Variants in PACS1 observed in about 807,000 individuals in gnomAD.
The protein encoded by PACS1 is PACS-1.
In PACS1, 24 loss-of-function variants were observed where a neutral mutation model predicts 115.0. That is an observed-to-expected ratio of 0.21 (90% CI 0.15 to 0.29). PACS1 has a LOEUF of 0.29. Ranked by LOEUF, PACS1 falls within the 10% of genes least tolerant of loss-of-function variation. PACS1 has a pLI of 1.00. For missense variants in PACS1, 838 were observed against 1,251.2 expected (o/e 0.67, Z 4.98); for synonymous variants, 453 against 504.5 (o/e 0.90, Z 1.37).
intron 1 of PACS1, among the ~76,000 whole-genome samples, chr11:66,182,579 T>C (rs1231534948): frequency 1.3e-5 from 2 of 152,144 alleles, no homozygotes; most frequent in African/African-American, 4.8e-5. Context: ...CCTCTCACCT[T>C]AGCCTCCTGA....
chr11:66,239,981 G>A (rs973899621), intron 21 of PACS1, among the ~76,000 whole-genome samples: 1 of 152,258 alleles, frequency 6.6e-6, no homozygotes, highest in African/African-American at 2.4e-5. Flanking sequence ...ACGTAGTGAC[G>A]TGGATTGGGC....
At chr11:66,217,997 GGT>G (rs1292310966) in intron 7 of PACS1, 1 of 176,468 alleles carries the variant, frequency 5.7e-6, no homozygotes, top group Non-Finnish European at 1.2e-5. Flanking sequence ...CTCCCCCAGA[GGT>G]GTTTCTTTTT....
At chr11:66,140,159 G>A (rs1049304075) in intron 1 of PACS1, among the ~76,000 whole-genome samples, 2 of 152,226 alleles carry the variant, frequency 1.3e-5, no homozygotes, top group African/African-American at 4.8e-5. Flanking sequence ...TGTTCTGGGT[G>A]TCTCGTTAAA....
At chr11:66,130,160 A>T (rs1009332660) in intron 1 of PACS1, among the ~76,000 whole-genome samples, 1 of 152,164 alleles carries the variant, frequency 6.6e-6, no homozygotes, top group African/African-American at 2.4e-5. Context: ...GGGTGAGAAG[A>T]TAGCTGTGTA....
intron 3 of PACS1, among the ~76,000 whole-genome samples, chr11:66,210,659 G>A (rs1855049201): frequency 6.6e-6 from 1 of 152,204 alleles, no homozygotes; most frequent in African/African-American, 2.4e-5. Context: ...GACCTGGGTA[G>A]GCACCGTGGC....
chr11:66,130,232 G>A (rs1387281852), intron 1 of PACS1, among the ~76,000 whole-genome samples: 1 of 152,064 alleles, frequency 6.6e-6, no homozygotes, highest in East Asian at 1.9e-4. Flanking sequence ...ATGCAATATA[G>A]TAGGCCGCAT....
chr11:66,164,517 G>A (rs1440041545), intron 1 of PACS1, among the ~76,000 whole-genome samples: 2 of 142,250 alleles, frequency 1.4e-5, no homozygotes, highest in African/African-American at 5.3e-5. Flanking sequence ...TTAAGCCCAG[G>A]AGTTCAAATC....
chr11:66,104,306 A>C (rs977409169), intron 1 of PACS1, among the ~76,000 whole-genome samples: 1 of 152,124 alleles, frequency 6.6e-6, no homozygotes, highest in Non-Finnish European at 1.5e-5. Flanking sequence ...AACTTAATGG[A>C]ATTTTCCAGT....
At chr11:66,232,839 G>T (rs149787979) in intron 14 of PACS1, 121 bp from the exon 15 acceptor site, 5 of 740,100 alleles carry the variant, frequency 6.8e-6, no homozygotes, top group Non-Finnish European at 1.2e-5. Flanking sequence ...GCCCAGCTTC[G>T]GTCTGAACTG....
rs546706797 is a variant in PACS1, at chr11:66,233,209, G to T, written c.1838+143G>T. 7 of 620,418 alleles carry T rather than the reference G, an allele frequency of 1.1e-5. No homozygotes were observed. The Admixed American group carries it at 1.7e-4, about 15-fold the overall frequency. The allele number at this position is 620,418 out of a possible 1,614,324, so 38.4% of individuals were successfully genotyped here. On this transcript the variant is annotated intron_variant, in intron 15 of 23. Transcript: ENST00000320580. This position sits in a 1 kb window ranked among gnomAD's most constrained non-coding sequence, Gnocchi z 4.5. ...AGGGGCGTATGTTTAGGGGGGTGGC[G>T]GCAGCAGGCTGTAGGGCTTGAGGCC... is the stretch of plus-strand genomic sequence containing the variant.
At chr11:66,146,294 A>C (rs1859122517) in intron 1 of PACS1, among the ~76,000 whole-genome samples, 1 of 152,344 alleles carries the variant, frequency 6.6e-6, no homozygotes, top group South Asian at 2.1e-4. Flanking sequence ...GAAACTATGC[A>C]TGTCATGTTT....
At chr11:66,202,742 A>AAAAAAT (rs1200930188) in intron 2 of PACS1, among the ~76,000 whole-genome samples, 9 of 71,608 alleles carry the variant, frequency 1.3e-4, no homozygotes, top group Non-Finnish European at 1.6e-4. Flanking sequence ...AAAAAAAAAA[A>AAAAAAT]ATATATATAT....
chr11:66,134,254 C>CTTTTTCTTTT (rs1858780251), intron 1 of PACS1, among the ~76,000 whole-genome samples: 1 of 75,064 alleles, frequency 1.3e-5, no homozygotes, highest in Non-Finnish European at 2.3e-5. Flanking sequence ...TTTTCTTTTT[C>CTTTTTCTTTT]TTTTTTTTTT....
Position 66,220,801 on chromosome 11 carries a change from C to A in PACS1, c.1199+10C>A, listed in dbSNP as rs199906288. On this transcript the variant is annotated intron_variant, in intron 9 of 23. Coordinates refer to ENST00000320580, the MANE Select transcript of PACS1 (RefSeq NM_018026.4). ...CAAAGCCCAAGCTCAAGTGAGCCCC[C>A]CTCTCTGTAGCTGGCCTCCAGACTC... The A allele has an allele frequency of 5.0e-6, 8 of 1,612,748 alleles. No individual in the cohort carries two copies. Among genetic ancestry groups the A allele is most frequent in the Admixed American group, 1.7e-5 (1 of 59,838 alleles).
At chr11:66,240,419 C>T (rs1855788979) in intron 21 of PACS1, among the ~76,000 whole-genome samples, 1 of 152,188 alleles carries the variant, frequency 6.6e-6, no homozygotes, top group Non-Finnish European at 1.5e-5. Flanking sequence ...CGCTGCCTTC[C>T]GCCTTCGCCT....
intron 1 of PACS1, among the ~76,000 whole-genome samples, chr11:66,130,182 T>C (rs945348273): frequency 2.0e-5 from 3 of 152,144 alleles, no homozygotes; most frequent in African/African-American, 7.2e-5. Flanking sequence ...ATGTATAATT[T>C]CAGCAGCATG....
Position 66,193,589 on chromosome 11 carries a change from C to CTG in PACS1, c.444+18_444+19dup. On this transcript the variant is annotated intron_variant, in intron 2 of 23. Transcript: ENST00000320580. ...GAAGCTGCAGGTGAGTGGGGCAGGA[C>CTG]TGTTTGTTCAGGGCCCAGGGAAGCT... 6.3e-7 allele frequency: 1 copy of CTG among 1,591,534 alleles called. No individual in the cohort carries two copies. The highest frequency in any genetic ancestry group is 8.6e-7 in the Non-Finnish European group (1 of 1,159,754).
chr11:66,141,608 C>T (rs1858988768), intron 1 of PACS1, among the ~76,000 whole-genome samples: 1 of 144,482 alleles, frequency 6.9e-6, no homozygotes, highest in Admixed American at 6.9e-5. Flanking sequence ...GAGCCGAGAT[C>T]ACACCACTGT....
intron 1 of PACS1, among the ~76,000 whole-genome samples, chr11:66,159,100 AC>A (rs1859428455): frequency 6.6e-6 from 1 of 152,202 alleles, no homozygotes; most frequent in South Asian, 2.1e-4. Context: ...ATAATTCTAC[AC>A]CTAGTCAAAC....
Sources: allele counts gnomAD v4.1 joint callset (sites outside exome capture counted in the v4.1 genomes callset), GRCh38; gene constraint gnomAD v4.1.1; non-coding constraint Gnocchi (gnomAD v3.1); transcripts MANE v1.5; gene names NCBI Gene and HGNC (gene_info 2026-07-23, HGNC 2026-07-21).